NBAS: variants seen among roughly 807,000 people sequenced by gnomAD.
The protein encoded by NBAS is NBAS subunit of NRZ tethering complex.
NBAS carries 219 observed loss-of-function variants against 302.5 expected under a neutral mutation model. That is an observed-to-expected ratio of 0.72 (90% confidence interval 0.65 to 0.81). The LOEUF (loss-of-function observed/expected upper bound fraction) is 0.81, where lower values mean the gene tolerates loss of function less well. Among genes scored for constraint, NBAS ranks in the 30% least tolerant of loss-of-function variants. NBAS has a pLI of 0.00. For missense variants in NBAS, 2,932 were observed against 2,841.6 expected (o/e 1.03, Z -0.72); for synonymous variants, 1,118 against 1,021.6 (o/e 1.09, Z -1.80).
chr2:15,358,516 C>T (rs1361660720), intron 32 of NBAS, among the ~76,000 whole-genome samples: 3 of 152,190 alleles, frequency 2.0e-5, no homozygotes, highest in Non-Finnish European at 4.4e-5. Flanking sequence ...ACTATCACTG[C>T]TCACTGCAAC....
At chr2:15,009,603 T>TACACACACAC in the NBAS span, among the ~76,000 whole-genome samples, 11 of 130,776 alleles carry the variant, frequency 8.4e-5, no homozygotes, top group African/African-American at 2.8e-4. Flanking sequence ...TGCAACATCA[T>TACACACACAC]ACACACACAC....
intron 41 of NBAS, among the ~76,000 whole-genome samples, chr2:15,287,551 C>T (rs1322518425): frequency 6.6e-6 from 1 of 152,170 alleles, no homozygotes; most frequent in Non-Finnish European, 1.5e-5. Context: ...TGCTGAGCAT[C>T]CTGCATAGAC....
At chr2:15,106,462 TC>T in the NBAS span, among the ~76,000 whole-genome samples, 2 of 151,622 alleles carry the variant, frequency 1.3e-5, no homozygotes, top group Admixed American at 1.3e-4. Flanking sequence ...TCTCTCTCTC[TC>T]TCTCTCTCTC....
the NBAS span, among the ~76,000 whole-genome samples, chr2:15,000,260 G>T: frequency 6.6e-6 from 1 of 152,130 alleles, no homozygotes; most frequent in African/African-American, 2.4e-5. Context: ...TGAAAGTAAA[G>T]TGCTTAGGCT....
chr2:15,193,906 G>A (rs979956624), intron 48 of NBAS, among the ~76,000 whole-genome samples: 1 of 152,064 alleles, frequency 6.6e-6, no homozygotes, highest in African/African-American at 2.4e-5. Flanking sequence ...AGACAGTGAA[G>A]GGAAAATTCT....
chr2:15,157,300 G>C, the NBAS span, among the ~76,000 whole-genome samples: 1 of 152,182 alleles, frequency 6.6e-6, no homozygotes, highest in Non-Finnish European at 1.5e-5. Flanking sequence ...AAGGTGACTT[G>C]TGTAATTTAT....
chr2:14,782,308 G>C, the NBAS span, among the ~76,000 whole-genome samples: 1 of 152,036 alleles, frequency 6.6e-6, no homozygotes, highest in Non-Finnish European at 1.5e-5. Context: ...TACATGATCA[G>C]ACACTTTTCA....
Position 15,356,306 on chromosome 2 carries a change from T to C in NBAS, c.3928A>G (p.Thr1310Ala), listed in dbSNP as rs35489395. Residue 1310 changes from threonine (T) to alanine (A), a missense_variant, in exon 33 of 52, where the codon ACA becomes GCA. By Grantham distance (58) the Thr-to-Ala change is moderately conservative. Transcript: ENST00000281513. ...ASMHCQELMA[T>A]GYPKSWDVCS... ...GTTAAATAAGCTGTCTACTCACCTG[T>C]GGCCATCAGCTCCTGACAATGCATA... 3,002 of 1,612,044 alleles carry C rather than the reference T, an allele frequency of 1.9e-3. 7 individuals carry two copies. Among genetic ancestry groups the C allele is most frequent in the Non-Finnish European group, 2.1e-3 (2,523 of 1,178,134 alleles).
At chr2:15,206,479 A>T (rs138573856) in intron 48 of NBAS, among the ~76,000 whole-genome samples, 1 of 152,268 alleles carries the variant, frequency 6.6e-6, no homozygotes, top group East Asian at 1.9e-4. Flanking sequence ...AGAAACTTGC[A>T]TAAGTAAAGA....
the NBAS span, among the ~76,000 whole-genome samples, chr2:15,034,668 C>T: frequency 1.3e-5 from 2 of 152,128 alleles, no homozygotes; most frequent in Non-Finnish European, 2.9e-5. Context: ...CTCTTAAGTG[C>T]CGGTGGACTA....
the NBAS span, among the ~76,000 whole-genome samples, chr2:15,066,405 C>A: frequency 6.6e-6 from 1 of 152,082 alleles, no homozygotes; most frequent in African/African-American, 2.4e-5. Context: ...GAAAAACCAT[C>A]ACACAGTGAA....
At chr2:15,560,890 C>T (rs968450052) in intron 1 of NBAS, among the ~76,000 whole-genome samples, 2 of 152,242 alleles carry the variant, frequency 1.3e-5, no homozygotes, top group African/African-American at 4.8e-5. Flanking sequence ...AATCCCCTCT[C>T]CTCCCAATAC....
chr2:15,268,996 GT>G (rs1271302134), intron 44 of NBAS, among the ~76,000 whole-genome samples: 4 of 152,200 alleles, frequency 2.6e-5, no homozygotes, highest in African/African-American at 9.7e-5. Context: ...GTCCTTAGGG[GT>G]TTAAGTTTCA....
intron 9 of NBAS, among the ~76,000 whole-genome samples, chr2:15,534,045 A>G (rs1663362605): frequency 6.6e-6 from 1 of 152,190 alleles, no homozygotes; most frequent in South Asian, 2.1e-4. Context: ...AAAATGCCAT[A>G]AGGTTTCTAG....
chr2:15,330,833 A>G, intron 35 of NBAS, 68 bp from the exon 36 acceptor site: 2 of 1,505,008 alleles, frequency 1.3e-6, no homozygotes, highest in Non-Finnish European at 1.8e-6. Context: ...GACAGTGATA[A>G]TGTGACTGCT....
rs74943729 is a variant in NBAS at position 15,492,061 on chromosome 2, A to C, written c.955-3039T>G. ...TAGATGCCATGGTATCCACACTGTA[A>C]ATGTAGTATTTCTTTCTTGAACTAT... On this transcript the variant is annotated intron_variant, in intron 11 of 51. Transcript: ENST00000281513. Among the ~76,000 whole-genome samples the C allele has an allele frequency of 7.6e-3, 1,163 of 152,332 alleles. 18 individuals are homozygous for C. The highest frequency in any genetic ancestry group is 0.057 in the East Asian group (293 of 5,180).
At chr2:14,912,702 TTAAAAAAAAAAAAAAAA>T in the NBAS span, among the ~76,000 whole-genome samples, 41,015 of 101,414 alleles carry the variant, frequency 0.4, 5,823 homozygotes, top group African/African-American at 0.42. Flanking sequence ...GCATTCATTT[TTAAAAAAAAAAAAAAAA>T]AAAAAAAAAG....
intron 44 of NBAS, among the ~76,000 whole-genome samples, chr2:15,254,158 G>A (rs908851463): frequency 1.7e-4 from 26 of 151,986 alleles, no homozygotes; most frequent in African/African-American, 6.3e-4. Context: ...TGTTTTGCAT[G>A]TCTGAGATCC....
At chr2:14,984,143 C>G in the NBAS span, among the ~76,000 whole-genome samples, 3,514 of 152,270 alleles carry the variant, frequency 0.023, 144 homozygotes, top group African/African-American at 0.077. Flanking sequence ...ACACCATAGT[C>G]AGCCATTCAG....
Sources: gnomAD v4.1 joint callset for allele counts (sites outside exome capture counted in the v4.1 genomes callset) on GRCh38, gnomAD v4.1.1 for gene constraint, MANE v1.5 for transcripts, NCBI Gene and HGNC (gene_info 2026-07-23, HGNC 2026-07-21) for gene names.